The following ZNF91 variants were observed in gnomAD, a reference collection of about 807,000 sequenced individuals.
The protein encoded by ZNF91 is zinc finger protein 91.
ZNF91 carries 7 observed loss-of-function variants against 12.6 expected under a neutral mutation model. That is an observed-to-expected ratio of 0.55 (90% CI 0.31 to 1.04). The LOEUF (loss-of-function observed/expected upper bound fraction) is 1.04, where lower values mean the gene tolerates loss of function less well. Ranked by LOEUF, ZNF91 falls within the 50% of genes least tolerant of loss-of-function variation. The pLI is 0.05. For synonymous variants in ZNF91, 453 were observed against 462.6 expected, an observed-to-expected ratio of 0.98 and a Z score of 0.27; for missense variants, 1,217 against 1,385.4, an observed-to-expected ratio of 0.88 and a Z score of 1.93.
At position 23,322,801 on chromosome 19, in the gene ZNF91, A is replaced by AC. The variant is rs1967731906; in HGVS notation, n.117-13705_117-13704insG. ...CCTCTTCTTCCTCACCTCCTCCTCC[A>AC]TTTCTCCCCCACCTCCTCCTCCACT... is the stretch of plus-strand genomic sequence containing the variant. On this transcript the variant is annotated intron_variant and non_coding_transcript_variant, in intron 1 of 1. Transcript: ENST00000596528. Among the ~76,000 whole-genome samples, 6 of 24,874 alleles carry AC rather than the reference A, an allele frequency of 2.4e-4. 3 individuals are homozygous for AC. The highest frequency in any genetic ancestry group is 4.3e-4 in the Non-Finnish European group (6 of 13,978). The allele number at this position is 24,874 out of a possible 152,430, so 16.3% of individuals were successfully genotyped here. A position where few individuals can be genotyped will look rare whatever the true frequency, so the allele number is the denominator to read the frequency against.
At chr19:23,384,659 C>A (rs773487034) in intron 1 of ZNF91, 2 of 602,808 alleles carry the variant, frequency 3.3e-6, no homozygotes, top group Non-Finnish European at 5.6e-6. Context: ...CCATCCAAAT[C>A]GGCAAAGAGG....
chr19:23,346,102 T>G (rs1318584984), intron 3 of ZNF91, among the ~76,000 whole-genome samples: 1 of 151,894 alleles, frequency 6.6e-6, no homozygotes, highest in Non-Finnish European at 1.5e-5. Context: ...GTTGTTAGAG[T>G]TCACATTCCC....
intron 3 of ZNF91, among the ~76,000 whole-genome samples, chr19:23,344,386 G>T (rs141066682): frequency 6.6e-6 from 1 of 151,962 alleles, no homozygotes; most frequent in African/African-American, 2.4e-5. Context: ...GAGCCACCGC[G>T]CCCGGCAAAA....
rs1968684433 is a variant in ZNF91, at chr19:23,360,383, A to G, written c.2596T>C (p.Ser866Pro). ...ATCTTATGTGTCGTAAGATTTGAAG[A>G]TTGATTAAAAGCTTTGCCACATTCC... is the stretch of plus-strand genomic sequence containing the variant. ...CEECGKAFNQ[S>P]SNLTTHKIIH... is the part of the protein sequence containing the mutation. Residue 866 changes from serine to proline, a missense_variant, in exon 4 of 4, where the codon TCT (serine) becomes CCT (proline). By Grantham distance (74) the Ser-to-Pro change is moderately conservative. Transcript: ENST00000300619. 5.0e-6 allele frequency: 8 copies of G among 1,613,670 alleles called. No individual in the cohort carries two copies. The highest frequency in any genetic ancestry group is 5.9e-6 in the Non-Finnish European group (7 of 1,179,766).
intron 3 of ZNF91, among the ~76,000 whole-genome samples, chr19:23,365,788 G>T (rs296084): frequency 0.87 from 132,354 of 151,808 alleles, 58,464 homozygotes; most frequent in African/African-American, 0.97. Context: ...CATGCTGCCT[G>T]CAAGCATCTG....
chr19:23,390,551 T>A (rs1389884391), intron 1 of ZNF91, among the ~76,000 whole-genome samples: 1 of 152,042 alleles, frequency 6.6e-6, no homozygotes, highest in Non-Finnish European at 1.5e-5. Context: ...AGAGACGGGG[T>A]TTCACCATGT....
chr19:23,335,044 T>C (rs1967981418), downstream of ZNF91, among the ~76,000 whole-genome samples: 1 of 152,212 alleles, frequency 6.6e-6, no homozygotes, highest in Non-Finnish European at 1.5e-5. Context: ...AGGTTTGTTA[T>C]AGTCAGGAAC....
chr19:23,346,939 A>G (rs1005455292), intron 3 of ZNF91, among the ~76,000 whole-genome samples: 19 of 152,120 alleles, frequency 1.2e-4, no homozygotes, highest in Admixed American at 5.2e-4. Flanking sequence ...CTCCCATCTA[A>G]ACTTGGCCAC....
rs1568395183 is a variant in ZNF91, at chr19:23,373,368, ATATATATATATATATAT to A, written c.253+357_253+373del. Among the ~76,000 whole-genome samples, 90 of 130,812 alleles carry A rather than the reference ATATATATATATATATAT, an allele frequency of 6.9e-4. 1 individual carries two copies. Among genetic ancestry groups the A allele is most frequent in the African/African-American group, 1.3e-3 (50 of 37,762 alleles). 85.8% of individuals were successfully genotyped at this position (130,812 alleles called of 152,430 possible). On this transcript the variant is annotated intron_variant, in intron 3 of 3. Coordinates refer to ENST00000300619, the MANE Select transcript of ZNF91 (RefSeq NM_003430.4). ...ATCTTATATATATATATATATATAT[ATATATATATATATATAT>A]AAATAAACAGTACTTTAAAACCTGT...
At chr19:23,338,449 T>TAC (rs1968056886), downstream of ZNF91, 1 of 152,092 alleles carries the variant, frequency 6.6e-6, no homozygotes, top group Non-Finnish European at 1.5e-5. Flanking sequence ...TATAAAGTCT[T>TAC]ACCCTGACAA....
downstream of ZNF91, among the ~76,000 whole-genome samples, chr19:23,353,170 T>A (rs1968409069): frequency 6.6e-6 from 1 of 152,116 alleles, no homozygotes; most frequent in Admixed American, 6.5e-5. Flanking sequence ...TACTCAACAG[T>A]GCATGGAACT....
intron 3 of ZNF91, 103 bp from the exon 4 acceptor site, chr19:23,362,828 A>G: frequency 7.9e-7 from 1 of 1,266,878 alleles, no homozygotes; most frequent in Non-Finnish European, 1.0e-6. Flanking sequence ...CTACATAAAC[A>G]ATATGGCACT....
At chr19:23,368,275 G>A (rs1216178631) in intron 3 of ZNF91, among the ~76,000 whole-genome samples, 4 of 151,990 alleles carry the variant, frequency 2.6e-5, no homozygotes, top group Non-Finnish European at 5.9e-5. Context: ...ACTTTGGGAG[G>A]CTGAGATAGG....
At chr19:23,374,067 G>C (rs1460903921) in intron 2 of ZNF91, among the ~76,000 whole-genome samples, 1 of 151,998 alleles carries the variant, frequency 6.6e-6, no homozygotes, top group East Asian at 1.9e-4. Flanking sequence ...TAGATTTTAA[G>C]GTGTGAGTAA....
chr19:23,333,082 A>C (rs1967952756), intron 1 of ZNF91, among the ~76,000 whole-genome samples: 1 of 151,556 alleles, frequency 6.6e-6, no homozygotes, highest in African/African-American at 2.4e-5. Flanking sequence ...ATCATGGGGG[A>C]CTCTCTTATC....
At chr19:23,379,985 G>A (rs946332978) in intron 1 of ZNF91, among the ~76,000 whole-genome samples, 3 of 152,040 alleles carry the variant, frequency 2.0e-5, no homozygotes, top group African/African-American at 7.2e-5. Context: ...GGCCGGGTGC[G>A]GTGGCTCATG....
chr19:23,350,336 C>CA (rs1968331471), intron 3 of ZNF91, among the ~76,000 whole-genome samples: 1 of 152,038 alleles, frequency 6.6e-6, no homozygotes, highest in Non-Finnish European at 1.5e-5. Context: ...GCTGGTAGGA[C>CA]CAGTAATCTT....
At chr19:23,344,958 C>T (rs1293572251) in intron 3 of ZNF91, among the ~76,000 whole-genome samples, 1 of 152,170 alleles carries the variant, frequency 6.6e-6, no homozygotes, top group African/African-American at 2.4e-5. Context: ...CTGTGCATGC[C>T]CCTCGGTCAC....
At chr19:23,367,785 T>C (rs144176522) in intron 3 of ZNF91, among the ~76,000 whole-genome samples, 124 of 152,346 alleles carry the variant, frequency 8.1e-4, no homozygotes, top group African/African-American at 2.9e-3. Flanking sequence ...CAATGGAAGA[T>C]AACCTTTTCA....
Sources: gnomAD v4.1 joint callset for allele counts (sites outside exome capture counted in the v4.1 genomes callset) on GRCh38, gnomAD v4.1.1 for gene constraint, MANE v1.5 for transcripts, NCBI Gene and HGNC (gene_info 2026-07-23, HGNC 2026-07-21) for gene names.